The following OPRM1 variants were observed in gnomAD, a reference collection of about 807,000 sequenced individuals.
The protein encoded by OPRM1 is opioid receptor mu 1, also known as mu-type opioid receptor.
Under a neutral mutation model 31.8 loss-of-function variants are expected in OPRM1, and 27 were observed. That is an observed-to-expected ratio of 0.85 (90% CI 0.63 to 1.17). The LOEUF is 1.17. OPRM1 is among the 50% of genes most tolerant of loss of function. The pLI, the probability that OPRM1 is intolerant of heterozygous loss-of-function variation, is 0.00. For synonymous variants in OPRM1, 196 were observed against 189.9 expected, an observed-to-expected ratio of 1.03 and a Z score of -0.26; for missense variants, 536 against 511.1, an observed-to-expected ratio of 1.05 and a Z score of -0.47.
chr6:154,145,024 C>A (rs1011212918), intron 3 of OPRM1, among the ~76,000 whole-genome samples: 1 of 151,902 alleles, frequency 6.6e-6, no homozygotes, highest in Non-Finnish European at 1.5e-5. Flanking sequence ...AAAACTACAG[C>A]TACAATTATA....
intron 3 of OPRM1, among the ~76,000 whole-genome samples, chr6:154,229,408 G>T (rs1779536379): frequency 6.9e-6 from 1 of 144,476 alleles, no homozygotes; most frequent in East Asian, 2.1e-4. Flanking sequence ...GGACTGCAGT[G>T]GCGCGATCTT....
Position 154,131,232 on chromosome 6 carries a change from T to C in OPRM1, c.*12511T>C, listed in dbSNP as rs1797877817. ...TTAAAAGATACATATAATGTTTCCG[T>C]AGGAAAAAAATCAAAATATTGTAAA... is the stretch of plus-strand genomic sequence containing the variant. On this transcript the variant is annotated 3_prime_UTR_variant, in exon 4 of 4. Transcript: ENST00000330432. 6.6e-6 allele frequency among the ~76,000 whole-genome samples: 1 copy of C among 152,162 alleles called. No homozygotes were observed. Among genetic ancestry groups the C allele is most frequent in the Non-Finnish European group, 1.5e-5 (1 of 68,024 alleles).
rs146551161 is a variant in OPRM1 at position 154,188,718 on chromosome 6, G to A, written c.1165-57975G>A. ...GAAAGTCTAAAAAGCACCAGCACTC[G>A]ATTCATGAGAAAGATGACACTGAAG... On this transcript the variant is annotated intron_variant, in intron 3 of 3. Coordinates refer to the OPRM1 transcript ENST00000337049. Among the ~76,000 whole-genome samples the A allele has an allele frequency of 6.2e-3, 949 of 152,324 alleles. 9 individuals carry two copies. Among genetic ancestry groups the A allele is most frequent in the African/African-American group, 0.018 (762 of 41,572 alleles).
At chr6:154,205,285 T>G (rs1777400674) in intron 3 of OPRM1, among the ~76,000 whole-genome samples, 1 of 152,206 alleles carries the variant, frequency 6.6e-6, no homozygotes. Flanking sequence ...GTATTTTTTT[T>G]TAATAAAAAC....
At chr6:154,135,544 G>T (rs1798041024), downstream of OPRM1, among the ~76,000 whole-genome samples, 1 of 136,504 alleles carries the variant, frequency 7.3e-6, no homozygotes, top group South Asian at 2.3e-4. Flanking sequence ...TAGATATTTT[G>T]TCAAGCATAC....
intron 1 of OPRM1, among the ~76,000 whole-genome samples, chr6:154,062,520 G>A (rs1784616185): frequency 6.6e-6 from 1 of 151,764 alleles, no homozygotes; most frequent in Admixed American, 6.6e-5. Context: ...ATGCTATTGA[G>A]TTTTCCACAG....
chr6:154,047,886 A>G (rs1403863412), intron 1 of OPRM1, among the ~76,000 whole-genome samples: 1 of 152,228 alleles, frequency 6.6e-6, no homozygotes, highest in Non-Finnish European at 1.5e-5. Context: ...GTTCATGATG[A>G]AAGCACCAGC....
intron 3 of OPRM1, among the ~76,000 whole-genome samples, chr6:154,225,312 C>T (rs750380685): frequency 5.3e-5 from 8 of 152,118 alleles, no homozygotes; most frequent in Non-Finnish European, 1.2e-4. Flanking sequence ...TCACAAAGCA[C>T]TCACAACAGC....
chr6:154,112,252 C>T (rs1796442233), intron 3 of OPRM1, among the ~76,000 whole-genome samples: 1 of 152,142 alleles, frequency 6.6e-6, no homozygotes. Context: ...AGTTCCAAAA[C>T]TGCAAAGGAG....
intron 1 of OPRM1, among the ~76,000 whole-genome samples, chr6:154,023,865 A>G (rs1778529599): frequency 6.6e-6 from 1 of 151,810 alleles, no homozygotes; most frequent in South Asian, 2.1e-4. Context: ...TGATTTGTGT[A>G]TGCTTTGAAT....
Position 154,130,511 on chromosome 6 carries a change from A to G in OPRM1, c.*11790A>G, listed in dbSNP as rs1034879590. Among the ~76,000 whole-genome samples the G allele has an allele frequency of 2.0e-5, 3 of 152,264 alleles. No individual in the cohort carries two copies. The East Asian group carries it at 5.8e-4, about 29-fold the overall frequency. On this transcript the variant is annotated 3_prime_UTR_variant, in exon 4 of 4. Coordinates refer to ENST00000330432, the MANE Select transcript of OPRM1 (RefSeq NM_000914.5). ...ATAAATCTTGAATCCATAAAATTCAATGCTACCATTTATAATTTAATACTC... is the reference window on the plus strand; with the variant it reads ...ATAAATCTTGAATCCATAAAATTCAGTGCTACCATTTATAATTTAATACTC...
At chr6:154,237,006 G>T (rs1392963905) in intron 3 of OPRM1, among the ~76,000 whole-genome samples, 2 of 152,012 alleles carry the variant, frequency 1.3e-5, no homozygotes, top group Non-Finnish European at 2.9e-5. Flanking sequence ...CCTCTCTATG[G>T]TTTCCTTTTG....
chr6:154,138,462 C>A (rs752246817), intron 3 of OPRM1, among the ~76,000 whole-genome samples: 11 of 152,160 alleles, frequency 7.2e-5, no homozygotes, highest in Admixed American at 2.0e-4. Context: ...TGCTCAAAGT[C>A]CTCCCGGTAA....
chr6:154,190,513 C>G (rs986513981), intron 3 of OPRM1, among the ~76,000 whole-genome samples: 1 of 152,178 alleles, frequency 6.6e-6, no homozygotes, highest in Non-Finnish European at 1.5e-5. Context: ...AAACACCAAA[C>G]GTTGGCAAGG....
In OPRM1 at chr6:154,202,263, T is replaced by G. The variant is rs544228741; in HGVS notation, c.1165-44430T>G. On this transcript the variant is annotated intron_variant, in intron 3 of 3. Transcript: ENST00000337049. ...TGGCACGTACATAAAAAAAATCCAT[T>G]CAGGAATATGTCAAGTACCTTGTAA... 3.9e-5 allele frequency among the ~76,000 whole-genome samples: 6 copies of G among 152,270 alleles called. No individual in the cohort carries two copies. In the South Asian group the frequency reaches 8.3e-4, roughly 21 times the overall value.
chr6:154,020,402 T>C (rs1778293353), intron 1 of OPRM1, among the ~76,000 whole-genome samples: 1 of 152,172 alleles, frequency 6.6e-6, no homozygotes, highest in Non-Finnish European at 1.5e-5. Flanking sequence ...ATATCAAATG[T>C]TGAAATCCCA....
intron 1 of OPRM1, among the ~76,000 whole-genome samples, chr6:154,021,016 G>C (rs1778336204): frequency 6.6e-6 from 1 of 152,088 alleles, no homozygotes; most frequent in African/African-American, 2.4e-5. Context: ...TTTGGTGTTG[G>C]ATCTAAAATA....
At chr6:154,216,671 C>T (rs984826592) in intron 3 of OPRM1, among the ~76,000 whole-genome samples, 1 of 152,122 alleles carries the variant, frequency 6.6e-6, no homozygotes, top group Non-Finnish European at 1.5e-5. Flanking sequence ...AGTTGGAGAC[C>T]AGCCTGACCA....
intron 3 of OPRM1, chr6:154,212,862 C>CA: frequency 6.3e-7 from 1 of 1,597,316 alleles, no homozygotes; most frequent in Non-Finnish European, 8.6e-7. Flanking sequence ...CATTCTATAA[C>CA]AAAAATGAAA....
Sources: gnomAD v4.1 joint callset for allele counts (sites outside exome capture counted in the v4.1 genomes callset) on GRCh38, gnomAD v4.1.1 for gene constraint, MANE v1.5 for transcripts, NCBI Gene and HGNC (gene_info 2026-07-23, HGNC 2026-07-21) for gene names.